The following AHRR variants were observed in gnomAD, a reference collection of about 807,000 sequenced individuals.
The protein encoded by AHRR is ahR repressor.
In AHRR, 28 loss-of-function variants were observed where a neutral mutation model predicts 44.0. The observed-to-expected ratio is 0.64, with a 90% CI of 0.47 to 0.87. The LOEUF (loss-of-function observed/expected upper bound fraction) is 0.87, where lower values mean the gene tolerates loss of function less well. Among genes scored for constraint, AHRR ranks in the 40% least tolerant of loss-of-function variants. The pLI, the probability that AHRR is intolerant of heterozygous loss-of-function variation, is 0.00. For missense variants in AHRR, 990 were observed against 953.9 expected (o/e 1.04, Z -0.50); for synonymous variants, 434 against 407.0 (o/e 1.07, Z -0.80).
intron 4 of AHRR, among the ~76,000 whole-genome samples, chr5:397,860 G>C: frequency 1.6e-5 from 1 of 63,560 alleles, no homozygotes; most frequent in Admixed American, 1.9e-4. Flanking sequence ...GTTAGCCCCT[G>C]ACCATCCCTG....
chr5:432,889 C>T lies in AHRR; in HGVS notation c.1054C>T (p.Pro352Ser), dbSNP rs1350151465. 1 of 1,613,636 alleles carries T rather than the reference C, an allele frequency of 6.2e-7. No individual in the cohort carries two copies. Among genetic ancestry groups the T allele is most frequent in the South Asian group, 1.1e-5 (1 of 91,074 alleles). The change falls in exon 10 of 11, where the codon CCA becomes TCA. Residue 352 changes from proline (P) to serine (S), a missense_variant. Coordinates refer to ENST00000684583, the MANE Select transcript of AHRR (RefSeq NM_001377236.1). ...GRWAQVPARA[P>S]CLCLRGGPDL... Reference sequence around the variant, plus strand: ...ATGGGCACAGGTTCCCGCCAGGGCCCCATGCCTGTGCCTCCGGGGTGGCCC... The same window carrying T: ...ATGGGCACAGGTTCCCGCCAGGGCCTCATGCCTGTGCCTCCGGGGTGGCCC...
At chr5:328,318 A>C (rs1296951859) in intron 1 of AHRR, among the ~76,000 whole-genome samples, 1 of 115,142 alleles carries the variant, frequency 8.7e-6, no homozygotes, top group Non-Finnish European at 1.6e-5. Flanking sequence ...CCCAGGCTGG[A>C]GTGCAGTGGT....
intron 4 of AHRR, among the ~76,000 whole-genome samples, chr5:389,982 A>C (rs1416172787): frequency 2.0e-5 from 3 of 150,986 alleles, no homozygotes; most frequent in Admixed American, 2.0e-4. Flanking sequence ...GCTGGAAAGG[A>C]CAGTGATGCG....
At chr5:381,528 TTTTTTG>T (rs1733982098) in intron 4 of AHRR, among the ~76,000 whole-genome samples, 1 of 139,048 alleles carries the variant, frequency 7.2e-6, no homozygotes, top group African/African-American at 2.7e-5. Flanking sequence ...TTTTTTTTTT[TTTTTTG>T]AGACAGAGCC....
intron 4 of AHRR, among the ~76,000 whole-genome samples, chr5:393,785 A>G (rs1734578228): frequency 6.6e-6 from 1 of 152,084 alleles, no homozygotes; most frequent in Admixed American, 6.6e-5. Flanking sequence ...TTATAGGCGT[A>G]TGCCACAATG....
At position 383,576 on chromosome 5, in the gene AHRR, TA is replaced by T. The variant is rs1046984212; in HGVS notation, c.351+6862del. Among the ~76,000 whole-genome samples the T allele has an allele frequency of 1.3e-5, 2 of 151,750 alleles. No homozygotes were observed. Among genetic ancestry groups the T allele is most frequent in the African/African-American group, 4.8e-5 (2 of 41,310 alleles). On this transcript the variant is annotated intron_variant, in intron 4 of 10. Transcript: ENST00000684583. This position sits in a 1 kb window ranked among gnomAD's most constrained non-coding sequence, Gnocchi z 4.0. Reference sequence around the variant, plus strand: ...CAGCTTTCTTTTCTTTTTTTTTTTTTAATACAGACAGGGTCTTGCTCTGTCA... The same window carrying T: ...CAGCTTTCTTTTCTTTTTTTTTTTTTATACAGACAGGGTCTTGCTCTGTCA...
At chr5:409,074 A>G (rs1231548935) in intron 4 of AHRR, among the ~76,000 whole-genome samples, 1 of 152,212 alleles carries the variant, frequency 6.6e-6, no homozygotes, top group East Asian at 1.9e-4. Flanking sequence ...TGTCATATAA[A>G]CAGACTCTTA....
intron 5 of AHRR, among the ~76,000 whole-genome samples, chr5:415,599 A>AGGCCTAGGGGCCGAG (rs1735739562): frequency 9.3e-6 from 1 of 107,082 alleles, no homozygotes; most frequent in Non-Finnish European, 1.9e-5. Context: ...TAGGGGCCGA[A>AGGCCTAGGGGCCGAG]TCTGCCTGGT....
rs1742465285 is a variant in AHRR, at chr5:343,957, C to A, written c.55C>A (p.Gln19Lys). ...GGGCCGGAAGCGGAGGAGGCCCCTG[C>A]AGAAACAGTAAAGTATCCCGCCTTC... Reference protein sequence around the residue: ...YAGRKRRRPLQKQRPAVGAEK... With the variant: ...YAGRKRRRPLKKQRPAVGAEK... Residue 19 changes from glutamine to lysine, a missense_variant, in exon 2 of 11, where the codon CAG becomes AAG. Coordinates refer to ENST00000684583, the MANE Select transcript of AHRR (RefSeq NM_001377236.1). 1 of 1,598,738 alleles carries A rather than the reference C, an allele frequency of 6.3e-7. No individual in the cohort carries two copies.
At chr5:424,128 C>T (rs1404562585) in intron 7 of AHRR, 151 bp downstream of exon 7, 6 of 1,193,260 alleles carry the variant, frequency 5.0e-6, no homozygotes, top group Non-Finnish European at 6.8e-6. Context: ...TCTGTGTACC[C>T]TGTGATGGTG....
At chr5:390,709 G>A (rs1734378940) in intron 4 of AHRR, among the ~76,000 whole-genome samples, 1 of 152,210 alleles carries the variant, frequency 6.6e-6, no homozygotes, top group African/African-American at 2.4e-5. Flanking sequence ...TTTCCGGGTT[G>A]GAAGTTCCTG....
chr5:433,912 G>T lies in AHRR; in HGVS notation c.1172G>T (p.Arg391Met), dbSNP rs774082083. ...AGGGCCTCTGGAGTGACAGGGCGGA[G>T]GGAGACTCCAGGACCCACAAAGCCC... ...LSRASGVTGR[R>M]ETPGPTKPLP... The change falls in exon 11 of 11, where the codon AGG becomes ATG. Residue 391 changes from arginine to methionine, a missense_variant. Transcript: ENST00000684583. 1 of 1,526,876 alleles carries T rather than the reference G, an allele frequency of 6.5e-7. No homozygotes were observed. Among genetic ancestry groups the T allele is most frequent in the Non-Finnish European group, 8.8e-7 (1 of 1,138,100 alleles). 94.6% of individuals were successfully genotyped at this position (1,526,876 alleles called of 1,614,324 possible).
At position 415,245 on chromosome 5, in the gene AHRR, CCAG is replaced by C. The variant is rs1300578036; in HGVS notation, c.441+1815_441+1817del. Among the ~76,000 whole-genome samples, 4 of 152,366 alleles carry C rather than the reference CCAG, an allele frequency of 2.6e-5. No homozygotes were observed. In the East Asian group the frequency reaches 7.7e-4, roughly 29 times the overall value. Reference sequence around the variant, plus strand: ...TGCCTACGAGGAAAGGGTCCCAGAGCCAGCATTCACGCTGAGCCAGAGGCAGCA... The same window carrying C: ...TGCCTACGAGGAAAGGGTCCCAGAGCCATTCACGCTGAGCCAGAGGCAGCA... On this transcript the variant is annotated intron_variant, in intron 5 of 10. Transcript: ENST00000684583.
intron 4 of AHRR, among the ~76,000 whole-genome samples, chr5:379,633 A>G (rs937303080): frequency 6.6e-6 from 1 of 152,220 alleles, no homozygotes; most frequent in Non-Finnish European, 1.5e-5. Flanking sequence ...TCCGTGTGTC[A>G]TCTTTGGTGA....
At chr5:361,362 G>A (rs1031682313) in intron 3 of AHRR, among the ~76,000 whole-genome samples, 2 of 152,254 alleles carry the variant, frequency 1.3e-5, no homozygotes, top group African/African-American at 2.4e-5. Flanking sequence ...GGAGTGGGAT[G>A]GCACCACGCC....
At chr5:420,417 T>C (rs10068413) in intron 5 of AHRR, among the ~76,000 whole-genome samples, 9,471 of 150,546 alleles carry the variant, frequency 0.063, 579 homozygotes, top group African/African-American at 0.16. Context: ...AAAGGAGGAG[T>C]GACCCCCCAC....
intron 10 of AHRR, among the ~76,000 whole-genome samples, chr5:433,597 T>C (rs1466792495): frequency 6.6e-6 from 1 of 152,180 alleles, no homozygotes; most frequent in East Asian, 1.9e-4. Flanking sequence ...CAGAGACATC[T>C]CCCTGAAGCC....
At chr5:382,210 T>TC (rs1376735052) in intron 4 of AHRR, among the ~76,000 whole-genome samples, 15 of 152,378 alleles carry the variant, frequency 9.8e-5, no homozygotes, top group African/African-American at 3.1e-4. Context: ...TCCCTTCTCT[T>TC]CTGTTTTCTG....
rs1227262748 is a variant in AHRR at position 342,081 on chromosome 5, TG to T, written c.-10-1811del. ...CTTTGATTTCTGTTTTTAAAAAAAT[TG>T]TTAAGGATAGTTTTAAGTCCCAGAA... On this transcript the variant is annotated intron_variant, in intron 1 of 10. Coordinates refer to ENST00000684583, the MANE Select transcript of AHRR (RefSeq NM_001377236.1). This position sits in a 1 kb window ranked among gnomAD's most constrained non-coding sequence, Gnocchi z 4.3. Among the ~76,000 whole-genome samples the T allele has an allele frequency of 5.9e-5, 9 of 151,532 alleles. No individual in the cohort carries two copies. Among genetic ancestry groups the T allele is most frequent in the Admixed American group, 2.0e-4 (3 of 15,162 alleles).
Sources: allele counts gnomAD v4.1 joint callset (sites outside exome capture counted in the v4.1 genomes callset), GRCh38; gene constraint gnomAD v4.1.1; non-coding constraint Gnocchi (gnomAD v3.1); transcripts MANE v1.5; gene names NCBI Gene and HGNC (gene_info 2026-07-23, HGNC 2026-07-21).